Variants in MDFIC observed in about 807,000 individuals in gnomAD.
The protein encoded by MDFIC is myoD family inhibitor domain-containing protein.
A neutral mutation model predicts 23.2 loss-of-function variants in MDFIC; 17 were observed. The observed-to-expected ratio is 0.73, with a 90% CI of 0.50 to 1.10. MDFIC has a LOEUF of 1.10. Among genes scored for constraint, MDFIC ranks in the 50% least tolerant of loss-of-function variants. MDFIC has a pLI of 0.00. For synonymous variants in MDFIC, 120 were observed against 115.2 expected, an observed-to-expected ratio of 1.04 and a Z score of -0.27; for missense variants, 356 against 316.6, an observed-to-expected ratio of 1.12 and a Z score of -0.95.
intron 4 of MDFIC, chr7:115,013,976 C>A (rs1254052274): frequency 6.1e-6 from 6 of 985,140 alleles, no homozygotes; most frequent in Non-Finnish European, 7.2e-6. Context: ...TTTGTTTTTC[C>A]AGTCGCTGCA....
intron 4 of MDFIC, among the ~76,000 whole-genome samples, chr7:114,982,149 G>T (rs1472599827): frequency 2.0e-5 from 3 of 152,128 alleles, no homozygotes; most frequent in Non-Finnish European, 4.4e-5. Flanking sequence ...TAGAATATGT[G>T]ATCTCTTGTT....
chr7:114,961,866 TGGGCA>T (rs2115867170), intron 3 of MDFIC, among the ~76,000 whole-genome samples: 1 of 152,322 alleles, frequency 6.6e-6, no homozygotes, highest in East Asian at 1.9e-4. Context: ...ACATGAGATT[TGGGCA>T]GGGACACAAA....
At chr7:114,923,209 G>C (rs966948293) in intron 2 of MDFIC, 82 bp downstream of exon 2, 4 of 1,495,172 alleles carry the variant, frequency 2.7e-6, no homozygotes, top group South Asian at 1.2e-5. Flanking sequence ...GATAGGGGTG[G>C]GGGGAGTGCT....
intron 4 of MDFIC, among the ~76,000 whole-genome samples, chr7:114,997,295 G>C (rs574999466): frequency 6.6e-6 from 1 of 152,140 alleles, no homozygotes; most frequent in Admixed American, 6.5e-5. Flanking sequence ...TAATGAACTA[G>C]TAGAGGAGAC....
chr7:114,947,041 T>C (rs1792660470), intron 3 of MDFIC, among the ~76,000 whole-genome samples: 1 of 152,208 alleles, frequency 6.6e-6, no homozygotes, highest in South Asian at 2.1e-4. Context: ...AAGAGGTTTG[T>C]ATTAAGTTTA....
intron 4 of MDFIC, among the ~76,000 whole-genome samples, chr7:114,999,947 A>G (rs1791427256): frequency 6.6e-6 from 1 of 152,206 alleles, no homozygotes; most frequent in Non-Finnish European, 1.5e-5. Context: ...TGTTGCAGAA[A>G]TCATAAAGTA....
At chr7:114,964,653 C>T (rs984208826) in intron 3 of MDFIC, among the ~76,000 whole-genome samples, 19 of 152,080 alleles carry the variant, frequency 1.2e-4, no homozygotes, top group Admixed American at 2.6e-4. Context: ...TGAGTTCAAG[C>T]GATTCTCGTG....
intron 4 of MDFIC, among the ~76,000 whole-genome samples, chr7:114,986,840 A>G (rs375168202): frequency 1.2e-3 from 182 of 152,286 alleles, no homozygotes; most frequent in African/African-American, 4.2e-3. Context: ...CTGTTAATCT[A>G]CCTTTCTGTA....
At chr7:114,966,397 C>T in intron 3 of MDFIC, among the ~76,000 whole-genome samples, 1 of 110,066 alleles carries the variant, frequency 9.1e-6, no homozygotes, top group African/African-American at 3.5e-5. Flanking sequence ...ATGTCCTAGT[C>T]AGGAAACCAA....
chr7:114,950,202 T>A (rs1792737037), intron 3 of MDFIC, among the ~76,000 whole-genome samples: 1 of 152,188 alleles, frequency 6.6e-6, no homozygotes, highest in Non-Finnish European at 1.5e-5. Context: ...AAGACTGTTA[T>A]GTAATGCCTC....
intron 3 of MDFIC, among the ~76,000 whole-genome samples, chr7:114,966,607 T>C (rs1257059455): frequency 6.6e-6 from 1 of 152,102 alleles, no homozygotes; most frequent in African/African-American, 2.4e-5. Flanking sequence ...CCACCAACAA[T>C]ATATCAAAAA....
intron 2 of MDFIC, chr7:114,923,810 T>C (rs991169490): frequency 8.8e-5 from 38 of 431,332 alleles, no homozygotes; most frequent in African/African-American, 2.7e-4. Flanking sequence ...TAGGTTTCCA[T>C]TGGTGACAGA....
intron 2 of MDFIC, among the ~76,000 whole-genome samples, chr7:114,936,714 A>G (rs915594642): frequency 6.6e-6 from 1 of 152,150 alleles, no homozygotes; most frequent in Non-Finnish European, 1.5e-5. Flanking sequence ...GCTGCAGAGG[A>G]TTTTATCATC....
intron 2 of MDFIC, among the ~76,000 whole-genome samples, chr7:114,924,443 C>G (rs1029240751): frequency 6.6e-6 from 1 of 152,202 alleles, no homozygotes; most frequent in African/African-American, 2.4e-5. Context: ...TAGCTAATAT[C>G]TACAATATCC....
intron 3 of MDFIC, among the ~76,000 whole-genome samples, chr7:114,943,206 G>A (rs1234133597): frequency 1.3e-5 from 2 of 152,140 alleles, no homozygotes; most frequent in Non-Finnish European, 2.9e-5. Flanking sequence ...GGGATCAAAT[G>A]TTTATTTTAT....
intron 4 of MDFIC, among the ~76,000 whole-genome samples, chr7:115,002,383 T>A (rs1393474829): frequency 1.3e-5 from 2 of 152,154 alleles, no homozygotes; most frequent in Non-Finnish European, 2.9e-5. Context: ...TGGTCTCAGG[T>A]CTCAACCAGA....
chr7:114,997,993 T>G (rs1791375976), intron 4 of MDFIC, among the ~76,000 whole-genome samples: 1 of 152,192 alleles, frequency 6.6e-6, no homozygotes, highest in South Asian at 2.1e-4. Flanking sequence ...TTTTGGAGAC[T>G]TTCTACCTAA....
Position 115,018,892 on chromosome 7 carries a change from A to C in MDFIC, c.*2957A>C, listed in dbSNP as rs6949846. On this transcript the variant is annotated 3_prime_UTR_variant, in exon 5 of 5. Transcript: ENST00000393486. ...AAGATTTCCTAGTCTTCTTATGTAA[A>C]TCACATGACTCATGTCCGTAAATGA... The C allele has an allele frequency of 2.6e-3, 398 of 152,112 alleles. 1 individual carries two copies. Among genetic ancestry groups the C allele is most frequent in the African/African-American group, 9.3e-3 (385 of 41,540 alleles). 9.4% of individuals were successfully genotyped at this position (152,112 alleles called of 1,614,324 possible). A position where few individuals can be genotyped will look rare whatever the true frequency, so the allele number is the denominator to read the frequency against.
chr7:115,000,347 C>T (rs1044977501), intron 4 of MDFIC, among the ~76,000 whole-genome samples: 19 of 152,106 alleles, frequency 1.2e-4, no homozygotes, highest in African/African-American at 3.4e-4. Flanking sequence ...GATGTTCATA[C>T]GAGGAAATCA....
Sources: allele counts gnomAD v4.1 joint callset (sites outside exome capture counted in the v4.1 genomes callset), GRCh38; gene constraint gnomAD v4.1.1; transcripts MANE v1.5; gene names NCBI Gene and HGNC (gene_info 2026-07-23, HGNC 2026-07-21).